Variants in ZNF804B observed in about 807,000 individuals in gnomAD.
The protein encoded by ZNF804B is zinc finger 804B.
ZNF804B carries 80 observed loss-of-function variants against 101.4 expected under a neutral mutation model. The ratio of observed to expected loss-of-function variants is 0.79; its 90% CI spans 0.66 to 0.95. The LOEUF (loss-of-function observed/expected upper bound fraction) is 0.95, where lower values mean the gene tolerates loss of function less well. ZNF804B is among the 40% of genes least tolerant of loss of function. The probability of loss-of-function intolerance (pLI) is 0.00; values close to 1 mark genes in which losing one functional copy is unlikely to be tolerated. For synonymous variants in ZNF804B, 622 were observed against 558.8 expected (o/e 1.11, Z -1.59); for missense variants, 1,673 against 1,561.9 (o/e 1.07, Z -1.20).
At chr7:89,207,479 T>C (rs1788731770) in intron 1 of ZNF804B, among the ~76,000 whole-genome samples, 1 of 152,182 alleles carries the variant, frequency 6.6e-6, no homozygotes, top group Non-Finnish European at 1.5e-5. Context: ...CCCCAGTGAC[T>C]TGATTACTTC....
chr7:89,102,701 A>C (rs1790073485), intron 1 of ZNF804B, among the ~76,000 whole-genome samples: 1 of 151,700 alleles, frequency 6.6e-6, no homozygotes, highest in Non-Finnish European at 1.5e-5. Context: ...TTATTTGTCT[A>C]TTTTTGGTTT....
chr7:89,168,336 C>A (rs1026884787), intron 1 of ZNF804B, among the ~76,000 whole-genome samples: 2 of 148,152 alleles, frequency 1.3e-5, no homozygotes, highest in Non-Finnish European at 3.0e-5. Flanking sequence ...ATATATATAT[C>A]TATATATGTA....
chr7:88,806,438 C>G (rs555477440), intron 1 of ZNF804B, among the ~76,000 whole-genome samples: 8 of 152,154 alleles, frequency 5.3e-5, no homozygotes, highest in African/African-American at 1.9e-4. Flanking sequence ...TTGTTTTAAT[C>G]ATTAACAGAG....
chr7:89,160,660 A>G lies in ZNF804B; in HGVS notation c.109-57495A>G, dbSNP rs147168691. 5.1e-3 allele frequency among the ~76,000 whole-genome samples: 774 copies of G among 152,256 alleles called. 14 individuals carry two copies. Among genetic ancestry groups the G allele is most frequent in the African/African-American group, 0.018 (737 of 41,562 alleles). On this transcript the variant is annotated intron_variant, in intron 1 of 3. Coordinates refer to ENST00000333190, the MANE Select transcript of ZNF804B (RefSeq NM_181646.5). ...GACACTGATAAGGAAAAACAAAGAC[A>G]TTTATCATAGGTTTAAAATAATAAC... is the stretch of plus-strand genomic sequence containing the variant.
At chr7:88,821,558 C>T (rs7796603) in intron 1 of ZNF804B, among the ~76,000 whole-genome samples, 69,646 of 151,926 alleles carry the variant, frequency 0.46, 16,879 homozygotes, top group East Asian at 0.81. Context: ...CCTTTGGCCA[C>T]GTGCAAGGTT....
chr7:88,761,614 C>A (rs1789897801), intron 1 of ZNF804B, among the ~76,000 whole-genome samples: 1 of 152,160 alleles, frequency 6.6e-6, no homozygotes, highest in African/African-American at 2.4e-5. Context: ...AGAAAACATA[C>A]AATGTTCTGC....
At chr7:89,239,208 GTC>G (rs1251512425) in intron 2 of ZNF804B, among the ~76,000 whole-genome samples, 1 of 152,166 alleles carries the variant, frequency 6.6e-6, no homozygotes, top group Non-Finnish European at 1.5e-5. Flanking sequence ...GCAGGACAGA[GTC>G]TGTCAAATCT....
chr7:89,021,284 A>G (rs947185734), intron 1 of ZNF804B, among the ~76,000 whole-genome samples: 3 of 152,280 alleles, frequency 2.0e-5, no homozygotes, highest in Non-Finnish European at 4.4e-5. Context: ...TATGGTGGCA[A>G]TGCTGTGGCT....
chr7:89,156,515 T>C (rs1172114827), intron 1 of ZNF804B, among the ~76,000 whole-genome samples: 1 of 152,194 alleles, frequency 6.6e-6, no homozygotes, highest in East Asian at 1.9e-4. Context: ...TAATTCACTT[T>C]ACAACTACAA....
chr7:88,902,796 A>G (rs1792411916), intron 1 of ZNF804B, among the ~76,000 whole-genome samples: 1 of 152,146 alleles, frequency 6.6e-6, no homozygotes, highest in Non-Finnish European at 1.5e-5. Context: ...ATGGATACGT[A>G]TCTATTTTTG....
intron 1 of ZNF804B, among the ~76,000 whole-genome samples, chr7:88,778,825 T>C (rs567345494): frequency 1.8e-4 from 27 of 152,334 alleles, no homozygotes; most frequent in Admixed American, 1.2e-3. Context: ...GAGCCGCCGA[T>C]ATGCATAAGG....
At chr7:88,938,614 C>A (rs1793008206) in intron 1 of ZNF804B, among the ~76,000 whole-genome samples, 1 of 151,732 alleles carries the variant, frequency 6.6e-6, no homozygotes, top group African/African-American at 2.4e-5. Flanking sequence ...GGAATTTGGG[C>A]AAGATTAAAA....
intron 1 of ZNF804B, among the ~76,000 whole-genome samples, chr7:88,904,293 T>C (rs959836586): frequency 1.3e-5 from 2 of 152,178 alleles, no homozygotes; most frequent in Non-Finnish European, 2.9e-5. Flanking sequence ...AGTTTTATAT[T>C]CTGTTCCACT....
intron 1 of ZNF804B, among the ~76,000 whole-genome samples, chr7:88,901,921 T>C (rs1792397243): frequency 6.6e-6 from 1 of 151,898 alleles, no homozygotes. Flanking sequence ...TAAAATAACT[T>C]ATTTTGAGCC....
At chr7:88,986,347 A>T (rs1793759618) in intron 1 of ZNF804B, among the ~76,000 whole-genome samples, 1 of 152,100 alleles carries the variant, frequency 6.6e-6, no homozygotes, top group Non-Finnish European at 1.5e-5. Flanking sequence ...CCACAGCACA[A>T]AAAATACCTT....
intron 1 of ZNF804B, among the ~76,000 whole-genome samples, chr7:88,780,783 A>G (rs890306469): frequency 2.0e-5 from 3 of 152,190 alleles, no homozygotes. Flanking sequence ...AAAGTGAAGC[A>G]AATACTTTTC....
intron 1 of ZNF804B, among the ~76,000 whole-genome samples, chr7:88,950,560 CT>C (rs1793203156): frequency 6.6e-6 from 1 of 151,780 alleles, no homozygotes; most frequent in African/African-American, 2.4e-5. Flanking sequence ...TGCCCATTTT[CT>C]TCTATTTTTA....
chr7:88,796,925 G>T (rs975468059), intron 1 of ZNF804B, among the ~76,000 whole-genome samples: 2 of 152,036 alleles, frequency 1.3e-5, no homozygotes, highest in African/African-American at 4.8e-5. Flanking sequence ...GGTTGAGAAA[G>T]AAGAAAAAAC....
intron 1 of ZNF804B, among the ~76,000 whole-genome samples, chr7:88,953,858 C>G (rs945790455): frequency 2.0e-5 from 3 of 151,618 alleles, no homozygotes; most frequent in Non-Finnish European, 4.4e-5. Context: ...TGATTGCATT[C>G]TATTATATGG....
Sources: gnomAD v4.1 joint callset for allele counts (sites outside exome capture counted in the v4.1 genomes callset) on GRCh38, gnomAD v4.1.1 for gene constraint, MANE v1.5 for transcripts, NCBI Gene and HGNC (gene_info 2026-07-23, HGNC 2026-07-21) for gene names.